Variants in OLFM3 observed in about 807,000 individuals in gnomAD.
OLFM3 encodes olfactomedin 3.
Under a neutral mutation model 48.6 loss-of-function variants are expected in OLFM3, and 20 were observed. That is an observed-to-expected ratio of 0.41 (90% CI 0.29 to 0.60). The LOEUF is 0.60. OLFM3 is among the 20% of genes least tolerant of loss of function. The pLI is 0.28. For missense variants in OLFM3, 437 were observed against 544.3 expected, an observed-to-expected ratio of 0.80 and a Z score of 1.96; for synonymous variants, 222 against 198.1, an observed-to-expected ratio of 1.12 and a Z score of -1.01.
chr1:101,886,714 G>A lies in OLFM3; in HGVS notation c.70-49689C>T, dbSNP rs117806912. Among the ~76,000 whole-genome samples the A allele has an allele frequency of 8.3e-4, 126 of 152,168 alleles. 2 individuals carry two copies. The East Asian group carries it at 0.023, about 28-fold the overall frequency. On this transcript the variant is annotated intron_variant, in intron 1 of 5. Coordinates refer to ENST00000370103, the MANE Select transcript of OLFM3 (RefSeq NM_058170.4). ...TAGCTGAGGCCCACCAACCCACAGA[G>A]GTGTGAGACAGACAATTAAAACATC...
At chr1:101,930,946 A>T (rs1659426499) in intron 1 of OLFM3, among the ~76,000 whole-genome samples, 2 of 152,234 alleles carry the variant, frequency 1.3e-5, no homozygotes, top group South Asian at 4.1e-4. Flanking sequence ...GGGAATGTGC[A>T]TACCTCAATA....
chr1:101,890,002 T>G (rs1657926866), intron 1 of OLFM3, among the ~76,000 whole-genome samples: 1 of 152,004 alleles, frequency 6.6e-6, no homozygotes, highest in East Asian at 1.9e-4. Context: ...CCCAAAAAAT[T>G]CAGCCACAGG....
At chr1:101,951,683 C>G (rs1319194629) in intron 1 of OLFM3, among the ~76,000 whole-genome samples, 1 of 152,102 alleles carries the variant, frequency 6.6e-6, no homozygotes, top group Non-Finnish European at 1.5e-5. Flanking sequence ...ATTTCTTTAG[C>G]AAACATGCAC....
chr1:101,849,354 G>C (rs1656134945), intron 1 of OLFM3, among the ~76,000 whole-genome samples: 1 of 152,182 alleles, frequency 6.6e-6, no homozygotes, highest in African/African-American at 2.4e-5. Context: ...CTGTGTTTAG[G>C]GCAAGCAACC....
chr1:101,979,880 G>A (rs1281549430), intron 1 of OLFM3, among the ~76,000 whole-genome samples: 1 of 152,236 alleles, frequency 6.6e-6, no homozygotes, highest in African/African-American at 2.4e-5. Context: ...AGCTGGGAGT[G>A]AGGCTGTACC....
At chr1:101,903,902 G>A (rs1658472678) in intron 1 of OLFM3, among the ~76,000 whole-genome samples, 1 of 151,870 alleles carries the variant, frequency 6.6e-6, no homozygotes, top group East Asian at 1.9e-4. Flanking sequence ...ATTACAATAA[G>A]GAAATATGAT....
chr1:101,920,362 C>A (rs1010436748), intron 1 of OLFM3, among the ~76,000 whole-genome samples: 4 of 152,152 alleles, frequency 2.6e-5, no homozygotes, highest in Non-Finnish European at 4.4e-5. Context: ...CATGCTCTAT[C>A]TCCTTCTGGA....
intron 1 of OLFM3, among the ~76,000 whole-genome samples, chr1:101,874,700 G>A (rs1248072054): frequency 6.6e-6 from 1 of 151,920 alleles, no homozygotes; most frequent in Non-Finnish European, 1.5e-5. Flanking sequence ...GGGTCACACA[G>A]AATAACTGGT....
chr1:101,913,960 T>C (rs1658844269), intron 1 of OLFM3, among the ~76,000 whole-genome samples: 1 of 152,152 alleles, frequency 6.6e-6, no homozygotes, highest in African/African-American at 2.4e-5. Flanking sequence ...ATATATTACC[T>C]GTATATTGAG....
rs71592233 is a variant in OLFM3, at chr1:101,967,590, G to GAAAAAAAAAAAAAAAAAAAAAAAAA, written c.69+29157_69+29158insTTTTTTTTTTTTTTTTTTTTTTTTT. ...CCTTTTTACTTCCATCCTAGTCAGT[G>GAAAAAAAAAAAAAAAAAAAAAAAAA]AAAAAAAAAAAAAAAAAAAAAAAAG... On this transcript the variant is annotated intron_variant, in intron 1 of 5. Transcript: ENST00000370103. 7.0e-4 allele frequency among the ~76,000 whole-genome samples: 31 copies of GAAAAAAAAAAAAAAAAAAAAAAAAA among 44,576 alleles called. 2 individuals carry two copies. Among genetic ancestry groups the GAAAAAAAAAAAAAAAAAAAAAAAAA allele is most frequent in the African/African-American group, 7.6e-4 (7 of 9,240 alleles). The allele number at this position is 44,576 out of a possible 152,430, so 29.2% of individuals were successfully genotyped here.
chr1:101,995,786 T>C (rs1272043085), intron 1 of OLFM3, among the ~76,000 whole-genome samples: 1 of 152,228 alleles, frequency 6.6e-6, no homozygotes, highest in East Asian at 1.9e-4. Context: ...ATGGAATCAT[T>C]CTTCCTATAT....
At chr1:101,992,059 G>A (rs1661426799) in intron 1 of OLFM3, among the ~76,000 whole-genome samples, 2 of 152,032 alleles carry the variant, frequency 1.3e-5, no homozygotes, top group African/African-American at 4.8e-5. Context: ...ATAGGTATGG[G>A]CATGAAAATC....
intron 4 of OLFM3, among the ~76,000 whole-genome samples, chr1:101,815,322 C>G (rs1232330536): frequency 6.6e-6 from 1 of 151,828 alleles, no homozygotes; most frequent in Non-Finnish European, 1.5e-5. Context: ...TGGCGGGCAC[C>G]TGTAGTCCCA....
rs569921051 is a variant in OLFM3 at position 101,974,395 on chromosome 1, T to A, written c.69+22353A>T. Among the ~76,000 whole-genome samples the A allele has an allele frequency of 6.9e-4, 105 of 152,318 alleles. 2 individuals carry two copies. In the South Asian group the frequency reaches 0.021, roughly 30 times the overall value. On this transcript the variant is annotated intron_variant, in intron 1 of 5. Coordinates refer to ENST00000370103, the MANE Select transcript of OLFM3 (RefSeq NM_058170.4). ...TAGTAGGCTAACTAGGCTGTAAATATCTTTATATCATTCCTCAGATCAATA... is the reference window on the plus strand; with the variant it reads ...TAGTAGGCTAACTAGGCTGTAAATAACTTTATATCATTCCTCAGATCAATA...
intron 1 of OLFM3, among the ~76,000 whole-genome samples, chr1:101,885,723 C>T (rs962888145): frequency 6.6e-6 from 1 of 152,100 alleles, no homozygotes; most frequent in African/African-American, 2.4e-5. Context: ...CTTACTTTGT[C>T]ATACAAATAC....
In OLFM3 at chr1:101,804,806, C is replaced by T; in HGVS notation, c.809G>A (p.Trp270Ter). The T allele has an allele frequency of 6.2e-7, 1 of 1,612,530 alleles. No homozygotes were observed. Among genetic ancestry groups the T allele is most frequent in the Non-Finnish European group, 8.5e-7 (1 of 1,179,046 alleles). The change falls in exon 6 of 6, where the codon TGG (tryptophan) becomes TAG (stop). Residue 270 changes from tryptophan to a stop codon, truncating the protein, a stop_gained. Transcript: ENST00000370103. LOFTEE classifies it high-confidence loss of function. The surrounding 1 kb of genome is among the most constrained non-coding windows in gnomAD (Gnocchi z 4.5). ...ESRTYNLPFK[W>*]AGTNHVVYNG... The stretch of plus-strand genomic sequence containing the variant: ...GTAGACAACATGGTTAGTTCCTGCC[C>T]ACTTGAAAGGAAGGTTGTATGTCCT...
intron 1 of OLFM3, among the ~76,000 whole-genome samples, chr1:101,883,370 T>A (rs1013499789): frequency 1.3e-5 from 2 of 151,080 alleles, no homozygotes; most frequent in Non-Finnish European, 3.0e-5. Flanking sequence ...TATACACATA[T>A]ACAATTCAAA....
intron 3 of OLFM3, among the ~76,000 whole-genome samples, chr1:101,830,029 G>A (rs1655071271): frequency 6.6e-6 from 1 of 151,726 alleles, no homozygotes; most frequent in African/African-American, 2.4e-5. Context: ...TAGTAGAGAC[G>A]GGGTTTCACC....
At chr1:101,972,901 C>G (rs1660848031) in intron 1 of OLFM3, among the ~76,000 whole-genome samples, 1 of 152,150 alleles carries the variant, frequency 6.6e-6, no homozygotes, top group Admixed American at 6.5e-5. Flanking sequence ...CCTTCCACAA[C>G]CACTTATTGA....
Sources: gnomAD v4.1 joint callset for allele counts (sites outside exome capture counted in the v4.1 genomes callset) on GRCh38, gnomAD v4.1.1 for gene constraint, Gnocchi (gnomAD v3.1) non-coding constraint, MANE v1.5 for transcripts, NCBI Gene and HGNC (gene_info 2026-07-23, HGNC 2026-07-21) for gene names.